The following MAP2K1 variants were observed in gnomAD, a reference collection of about 807,000 sequenced individuals.
MAP2K1 encodes mitogen-activated protein kinase kinase 1.
Under a neutral mutation model 46.3 loss-of-function variants are expected in MAP2K1, and 16 were observed. That is an observed-to-expected ratio of 0.35 (90% CI 0.23 to 0.52). The LOEUF (loss-of-function observed/expected upper bound fraction) is 0.52, where lower values mean the gene tolerates loss of function less well. Ranked by LOEUF, MAP2K1 falls within the 20% of genes least tolerant of loss-of-function variation. The probability of loss-of-function intolerance (pLI) is 0.94; values close to 1 mark genes in which losing one functional copy is unlikely to be tolerated. For synonymous variants in MAP2K1, 183 were observed against 185.6 expected (o/e 0.99, Z 0.11); for missense variants, 263 against 497.1 (o/e 0.53, Z 4.48).
intron 1 of MAP2K1, among the ~76,000 whole-genome samples, chr15:66,416,272 T>G (rs2093424307): frequency 7.4e-6 from 1 of 135,724 alleles, no homozygotes; most frequent in South Asian, 2.2e-4. Flanking sequence ...GTTGTTACAC[T>G]TGTATAGTTG....
At chr15:66,446,532 AACTATGCC>A (rs1891873321) in intron 5 of MAP2K1, 1 of 185,350 alleles carries the variant, frequency 5.4e-6, no homozygotes, top group East Asian at 1.7e-4. Context: ...ATTTGGCACA[AACTATGCC>A]ACTGGTTCTG....
At chr15:66,444,586 A>T (rs1891812731) in intron 4 of MAP2K1, 70 bp from the exon 5 acceptor site, 2 of 1,102,794 alleles carry the variant, frequency 1.8e-6, no homozygotes, top group Non-Finnish European at 2.8e-6. Context: ...TTCCTAGAGT[A>T]TTTTAAAATA....
intron 1 of MAP2K1, among the ~76,000 whole-genome samples, chr15:66,412,715 C>T (rs1054028154): frequency 3.3e-5 from 5 of 151,874 alleles, no homozygotes; most frequent in Non-Finnish European, 5.9e-5. Context: ...GGGGTCTTGC[C>T]GTATTGCCCA....
intron 1 of MAP2K1, among the ~76,000 whole-genome samples, chr15:66,433,412 C>T (rs531227985): frequency 9.7e-4 from 147 of 152,224 alleles, no homozygotes; most frequent in Middle Eastern, 3.4e-3. Context: ...TGGCAAGAGC[C>T]CTCTTCCTGG....
At chr15:66,448,645 A>G (rs1001534468) in intron 5 of MAP2K1, among the ~76,000 whole-genome samples, 1 of 152,198 alleles carries the variant, frequency 6.6e-6, no homozygotes, top group Non-Finnish European at 1.5e-5. Context: ...TATAGCTTGT[A>G]CATATGGTTC....
intron 5 of MAP2K1, among the ~76,000 whole-genome samples, chr15:66,459,412 T>C (rs1892258012): frequency 6.6e-6 from 1 of 150,416 alleles, no homozygotes; most frequent in Non-Finnish European, 1.5e-5. Flanking sequence ...AGGTCAGGAG[T>C]TCGAAAACAG....
chr15:66,467,496 C>A (rs1245864391), intron 5 of MAP2K1, among the ~76,000 whole-genome samples: 2 of 152,188 alleles, frequency 1.3e-5, no homozygotes, highest in Non-Finnish European at 2.9e-5. Flanking sequence ...GGTTATTTTA[C>A]TAAATAATTC....
intron 5 of MAP2K1, among the ~76,000 whole-genome samples, chr15:66,478,296 ATACCTG>A (rs1892810522): frequency 6.8e-6 from 1 of 146,640 alleles, no homozygotes; most frequent in African/African-American, 2.5e-5. Context: ...TATACTATAT[ATACCTG>A]TATATATATA....
chr15:66,468,254 G>C (rs538407308), intron 5 of MAP2K1, among the ~76,000 whole-genome samples: 2 of 152,036 alleles, frequency 1.3e-5, no homozygotes, highest in African/African-American at 4.8e-5. Flanking sequence ...ACATCTTAAA[G>C]GTAAGACAGA....
chr15:66,444,753 A>C, intron 5 of MAP2K1, 46 bp downstream of exon 5: 1 of 1,463,474 alleles, frequency 6.8e-7, no homozygotes. Context: ...TTTAGATATA[A>C]TCCAAAGGCT....
intron 1 of MAP2K1, among the ~76,000 whole-genome samples, chr15:66,405,246 CCT>C (rs1342036418): frequency 6.6e-6 from 1 of 152,098 alleles, no homozygotes; most frequent in Non-Finnish European, 1.5e-5. Context: ...TCCACACGGC[CCT>C]CTCAGTACTG....
At chr15:66,441,349 T>C (rs1050966173) in intron 3 of MAP2K1, among the ~76,000 whole-genome samples, 1 of 152,204 alleles carries the variant, frequency 6.6e-6, no homozygotes, top group Non-Finnish European at 1.5e-5. Context: ...GGCTGCCCCC[T>C]GTCCTAGGCT....
chr15:66,445,163 G>GA (rs1567012566), intron 5 of MAP2K1, among the ~76,000 whole-genome samples: 1 of 150,814 alleles, frequency 6.6e-6, no homozygotes, highest in African/African-American at 2.4e-5. Flanking sequence ...GAGGTGGGGG[G>GA]GTGGATCATG....
At chr15:66,478,398 GTGTA>G (rs1485299008) in intron 5 of MAP2K1, among the ~76,000 whole-genome samples, 17 of 98,018 alleles carry the variant, frequency 1.7e-4, no homozygotes, top group Non-Finnish European at 3.1e-4. Context: ...AGATATGTGT[GTGTA>G]TATATATATA....
intron 1 of MAP2K1, among the ~76,000 whole-genome samples, chr15:66,426,142 CTTT>C (rs57873985): frequency 3.4e-4 from 49 of 145,466 alleles, no homozygotes; most frequent in Admixed American, 5.5e-4. Context: ...AGTGTTTTTT[CTTT>C]TTTTTTTTTT....
intron 5 of MAP2K1, among the ~76,000 whole-genome samples, chr15:66,460,957 T>G (rs992065316): frequency 3.9e-5 from 6 of 152,132 alleles, no homozygotes; most frequent in Non-Finnish European, 4.4e-5. Context: ...GCTCCAGGGC[T>G]GTACGTGGAG....
chr15:66,482,827 G>A (rs1371323709), intron 6 of MAP2K1, among the ~76,000 whole-genome samples: 2 of 152,186 alleles, frequency 1.3e-5, no homozygotes, highest in Admixed American at 6.5e-5. Context: ...CTGAAGTGCG[G>A]CAAAGTGGAG....
At position 66,483,942 on chromosome 15, in the gene MAP2K1, G is replaced by T. The variant is rs186376142; in HGVS notation, c.694-1048G>T. On this transcript the variant is annotated intron_variant, in intron 6 of 10. Coordinates refer to ENST00000307102, the MANE Select transcript of MAP2K1 (RefSeq NM_002755.4). Reference sequence around the variant, plus strand: ...TTTTTGTATTTTTAGTAGAGACGGGGTTTCACCGTGTTAGCCAGGATGGTC... The same window carrying T: ...TTTTTGTATTTTTAGTAGAGACGGGTTTTCACCGTGTTAGCCAGGATGGTC... Among the ~76,000 whole-genome samples, 394 of 151,898 alleles carry T rather than the reference G, an allele frequency of 2.6e-3. 2 individuals carry two copies. Among genetic ancestry groups the T allele is most frequent in the African/African-American group, 9.0e-3 (373 of 41,430 alleles).
At chr15:66,471,849 C>T (rs569752820) in intron 5 of MAP2K1, among the ~76,000 whole-genome samples, 1 of 152,046 alleles carries the variant, frequency 6.6e-6, no homozygotes, top group African/African-American at 2.4e-5. Flanking sequence ...GAGGCCAAGG[C>T]GGGCAGTTCG....
Sources: gnomAD v4.1 joint callset for allele counts (sites outside exome capture counted in the v4.1 genomes callset) on GRCh38, gnomAD v4.1.1 for gene constraint, MANE v1.5 for transcripts, NCBI Gene and HGNC (gene_info 2026-07-23, HGNC 2026-07-21) for gene names.